The following FNDC1 variants were observed in gnomAD, a reference collection of about 807,000 sequenced individuals.
The protein encoded by FNDC1 is fibronectin type III domain-containing protein 1.
FNDC1 carries 96 observed loss-of-function variants against 168.0 expected under a neutral mutation model. That is an observed-to-expected ratio of 0.57 (90% CI 0.48 to 0.68). The LOEUF (loss-of-function observed/expected upper bound fraction) is 0.68. FNDC1 is among the 30% of genes least tolerant of loss of function. FNDC1 has a pLI of 0.00. For missense variants in FNDC1, 2,587 were observed against 2,482.1 expected, an observed-to-expected ratio of 1.04 and a Z score of -0.90; for synonymous variants, 1,099 against 1,025.9, an observed-to-expected ratio of 1.07 and a Z score of -1.36.
In FNDC1 at chr6:159,233,439, C is replaced by A; in HGVS notation, c.2927C>A (p.Ala976Glu). Residue 976 changes from alanine (A) to glutamate (E), a missense_variant, in exon 11 of 23, where the codon GCG (alanine) becomes GAG (glutamate). Transcript: ENST00000297267. The surrounding 1 kb of genome is among the most constrained non-coding windows in gnomAD (Gnocchi z 4.6). ...KAQPGSTDRH[A>E]SPARPPAARS... ...CAGCCAGGGTCCACAGACCGCCACG[C>A]GTCCCCTGCTCGTCCGCCCGCAGCA... 6.2e-7 allele frequency: 1 copy of A among 1,610,210 alleles called. No individual in the cohort carries two copies. Among genetic ancestry groups the A allele is most frequent in the Non-Finnish European group, 8.5e-7 (1 of 1,179,062 alleles).
chr6:159,254,029 C>G (rs1777323734), intron 17 of FNDC1, among the ~76,000 whole-genome samples: 1 of 152,244 alleles, frequency 6.6e-6, no homozygotes, highest in South Asian at 2.1e-4. Flanking sequence ...TTCAATGACT[C>G]TCCTCTAGGG....
At chr6:159,241,081 A>G (rs1418453656) in intron 14 of FNDC1, 1 of 152,210 alleles carries the variant, frequency 6.6e-6, no homozygotes, top group Non-Finnish European at 1.5e-5. Context: ...TAAAAAATTC[A>G]CACCAAAAAA....
chr6:159,271,636 G>A lies in FNDC1; in HGVS notation c.*194G>A, dbSNP rs1777751422. On this transcript the variant is annotated 3_prime_UTR_variant, in exon 23 of 23. Transcript: ENST00000297267. Reference sequence around the variant, plus strand: ...CACTTCTTGGCCTGGACAATGAACAGGATTCAGTTTTGCTGTTAACTTTGC... The same window carrying A: ...CACTTCTTGGCCTGGACAATGAACAAGATTCAGTTTTGCTGTTAACTTTGC... 2 of 511,924 alleles carry A rather than the reference G, an allele frequency of 3.9e-6. No individual in the cohort carries two copies. Among genetic ancestry groups the A allele is most frequent in the East Asian group, 3.5e-5 (1 of 28,528 alleles). The allele number at this position is 511,924 out of a possible 1,614,324, so 31.7% of individuals were successfully genotyped here. A position where few individuals can be genotyped will look rare whatever the true frequency, so the allele number is the denominator to read the frequency against.
At chr6:159,199,341 C>T (rs2114947913) in intron 2 of FNDC1, among the ~76,000 whole-genome samples, 1 of 152,222 alleles carries the variant, frequency 6.6e-6, no homozygotes, top group African/African-American at 2.4e-5. Flanking sequence ...GCCTTGACCC[C>T]TAGATGAAAG....
chr6:159,192,840 G>A (rs573857810), intron 1 of FNDC1, among the ~76,000 whole-genome samples: 14 of 152,238 alleles, frequency 9.2e-5, no homozygotes, highest in South Asian at 2.1e-4. Flanking sequence ...AGAGCCTTCC[G>A]GTCTCTAGAG....
intron 11 of FNDC1, among the ~76,000 whole-genome samples, chr6:159,235,359 G>A (rs1235235415): frequency 6.6e-6 from 1 of 151,476 alleles, no homozygotes; most frequent in Non-Finnish European, 1.5e-5. Context: ...TGTTATTTTA[G>A]CCCAATGTAA....
intron 16 of FNDC1, among the ~76,000 whole-genome samples, chr6:159,249,601 A>G (rs1777215315): frequency 6.6e-6 from 1 of 152,212 alleles, no homozygotes; most frequent in Non-Finnish European, 1.5e-5. Flanking sequence ...TAGTGCCTAT[A>G]ATGTCATGAA....
At chr6:159,223,187 G>A (rs549924555) in intron 6 of FNDC1, among the ~76,000 whole-genome samples, 8 of 151,958 alleles carry the variant, frequency 5.3e-5, no homozygotes, top group African/African-American at 1.4e-4. Context: ...TAGTAGAGAC[G>A]GGGTTTCACT....
intron 22 of FNDC1, among the ~76,000 whole-genome samples, chr6:159,269,585 GTCTGTCTGTCTGTCTATCTA>G (rs1777696184): frequency 2.2e-5 from 2 of 90,434 alleles, no homozygotes; most frequent in South Asian, 4.6e-4. Flanking sequence ...CTATCTGTCT[GTCTGTCTGTCTGTCTATCTA>G]TCTATCTATC....
At chr6:159,183,138 A>G (rs1028399830) in intron 1 of FNDC1, among the ~76,000 whole-genome samples, 3 of 152,220 alleles carry the variant, frequency 2.0e-5, no homozygotes, top group Non-Finnish European at 2.9e-5. Flanking sequence ...TTATTCTTGC[A>G]TCAATCCTAT....
At chr6:159,245,683 C>T (rs1428845462) in intron 14 of FNDC1, among the ~76,000 whole-genome samples, 2 of 152,206 alleles carry the variant, frequency 1.3e-5, no homozygotes, top group African/African-American at 4.8e-5. Context: ...AATCACTCAC[C>T]TTTCTTAAAT....
At position 159,271,545 on chromosome 6, in the gene FNDC1, C is replaced by G. The variant is rs1777749968; in HGVS notation, c.*103C>G. On this transcript the variant is annotated 3_prime_UTR_variant, in exon 23 of 23. Transcript: ENST00000297267. ...AGCCAGCGTGCTCAGCCCCGCTGCCCTAGGTGCCAGGAAGGTCATAGATGG... is the reference window on the plus strand; with the variant it reads ...AGCCAGCGTGCTCAGCCCCGCTGCCGTAGGTGCCAGGAAGGTCATAGATGG... The G allele has an allele frequency of 1.2e-6, 1 of 851,936 alleles. No homozygotes were observed. 52.8% of individuals were successfully genotyped at this position (851,936 alleles called of 1,614,324 possible).
At chr6:159,181,455 G>T (rs915711692) in intron 1 of FNDC1, among the ~76,000 whole-genome samples, 2 of 152,310 alleles carry the variant, frequency 1.3e-5, no homozygotes, top group South Asian at 4.1e-4. Context: ...CATCTTCTGC[G>T]GGCAGGGCAC....
chr6:159,187,849 C>G (rs557118178), intron 1 of FNDC1, among the ~76,000 whole-genome samples: 2 of 152,288 alleles, frequency 1.3e-5, no homozygotes, highest in South Asian at 4.1e-4. Context: ...TATTTCTGTG[C>G]TGTCCTGTAT....
At position 159,225,526 on chromosome 6, in the gene FNDC1, T is replaced by C. The variant is rs1420634357; in HGVS notation, c.885-9T>C. 2.5e-6 allele frequency: 4 copies of C among 1,594,562 alleles called. No individual in the cohort carries two copies. ...TTTGGACAGATCATTGTGTTGTGTT[T>C]TCTTACAGACAGTACACCGTGCGCT... On this transcript the variant is annotated splice_polypyrimidine_tract_variant and intron_variant, in intron 7 of 22. Coordinates refer to ENST00000297267, the MANE Select transcript of FNDC1 (RefSeq NM_032532.3).
chr6:159,247,395 T>C (rs1166066616), intron 15 of FNDC1, among the ~76,000 whole-genome samples: 2 of 152,216 alleles, frequency 1.3e-5, no homozygotes, highest in Admixed American at 6.5e-5. Context: ...ACATAAAATA[T>C]GTGATGCTTA....
chr6:159,248,949 CT>C lies in FNDC1; in HGVS notation c.4691-89del. 3 of 1,286,130 alleles carry C rather than the reference CT, an allele frequency of 2.3e-6. No individual in the cohort carries two copies. In the South Asian group the frequency reaches 4.6e-5, roughly 20 times the overall value. The allele number at this position is 1,286,130 out of a possible 1,614,324, so 79.7% of individuals were successfully genotyped here. Reference sequence around the variant, plus strand: ...TCTGTCTGTCTGTCTGGGTTTCAGCCTACAGTTGAATGTAAGAAGGTATCAT... The same window carrying C: ...TCTGTCTGTCTGTCTGGGTTTCAGCCACAGTTGAATGTAAGAAGGTATCAT... On this transcript the variant is annotated intron_variant, in intron 15 of 22. Coordinates refer to ENST00000297267, the MANE Select transcript of FNDC1 (RefSeq NM_032532.3).
Position 159,226,527 on chromosome 6 carries a change from C to T in FNDC1, c.1127C>T (p.Thr376Ile), listed in dbSNP as rs758996697. ...GTCTGGCCAGTCAATGGCAAACCTACAGTTGTCGCTGCATCTTGGGATGCG... is the reference window on the plus strand; with the variant it reads ...GTCTGGCCAGTCAATGGCAAACCTATAGTTGTCGCTGCATCTTGGGATGCG... The part of the protein sequence containing the change: ...LNVWPVNGKP[T>I]VVAASWDALP... Residue 376 changes from threonine (T) to isoleucine (I), a missense_variant, in exon 9 of 23, where the codon ACA becomes ATA. Physicochemically the swap from Thr to Ile is moderately conservative, Grantham distance 89. Coordinates refer to ENST00000297267, the MANE Select transcript of FNDC1 (RefSeq NM_032532.3). The T allele has an allele frequency of 4.8e-5, 77 of 1,611,914 alleles. No homozygotes were observed. In the Admixed American group the frequency reaches 1.1e-3, roughly 23 times the overall value.
chr6:159,221,028 C>T (rs1782811709), intron 5 of FNDC1, among the ~76,000 whole-genome samples: 1 of 152,184 alleles, frequency 6.6e-6, no homozygotes, highest in Admixed American at 6.5e-5. Context: ...ATAAGGGGTA[C>T]ATTTAAAGTC....
Sources: gnomAD v4.1 joint callset for allele counts (sites outside exome capture counted in the v4.1 genomes callset) on GRCh38, gnomAD v4.1.1 for gene constraint, Gnocchi (gnomAD v3.1) non-coding constraint, MANE v1.5 for transcripts, NCBI Gene and HGNC (gene_info 2026-07-23, HGNC 2026-07-21) for gene names.